Variants in DNAH3 observed in about 807,000 individuals in gnomAD.
DNAH3 encodes the protein dynein axonemal heavy chain 3, also known as axonemal beta dynein heavy chain 3.
Under a neutral mutation model 432.5 loss-of-function variants are expected in DNAH3, and 332 were observed. The observed-to-expected ratio is 0.77, with a 90% CI of 0.70 to 0.84. The LOEUF is 0.84. Ranked by LOEUF, DNAH3 falls within the 40% of genes least tolerant of loss-of-function variation. The pLI is 0.00. For synonymous variants in DNAH3, 1,956 were observed against 1,900.2 expected, an observed-to-expected ratio of 1.03 and a Z score of -0.76; for missense variants, 4,861 against 5,114.0, an observed-to-expected ratio of 0.95 and a Z score of 1.51.
intron 41 of DNAH3, among the ~76,000 whole-genome samples, chr16:21,014,694 A>G (rs540901022): frequency 8.9e-4 from 136 of 152,290 alleles, no homozygotes; most frequent in African/African-American, 3.1e-3. Flanking sequence ...AATCCCAAAG[A>G]ATCCACAAAA....
At chr16:21,011,503 T>A (rs1365456447) in intron 41 of DNAH3, among the ~76,000 whole-genome samples, 1 of 151,990 alleles carries the variant, frequency 6.6e-6, no homozygotes, top group Non-Finnish European at 1.5e-5. Context: ...AATAGAGGTG[T>A]GTGCCATCAT....
chr16:21,054,879 T>G (rs1463997368), intron 27 of DNAH3, among the ~76,000 whole-genome samples: 4 of 152,168 alleles, frequency 2.6e-5, no homozygotes, highest in Non-Finnish European at 5.9e-5. Context: ...ACATTTTTTT[T>G]GGGTGGTGTG....
intron 41 of DNAH3, among the ~76,000 whole-genome samples, chr16:21,016,914 T>G (rs1213929530): frequency 6.6e-6 from 1 of 152,030 alleles, no homozygotes; most frequent in Non-Finnish European, 1.5e-5. Flanking sequence ...AGAAGACAAA[T>G]ACTGTATGAT....
chr16:20,944,808 G>A, intron 57 of DNAH3, 145 bp from the exon 58 acceptor site: 1 of 746,968 alleles, frequency 1.3e-6, no homozygotes, highest in African/African-American at 1.8e-5. Flanking sequence ...CACACGCTGG[G>A]AGAACACAAC....
In DNAH3 at chr16:20,938,081, C is replaced by A. The variant is rs2083661551; in HGVS notation, c.11655-1228G>T. ...AGGAAGAGGATTTCTGGATGTGTAACCACTAAACCATTGTATCAAGAGGAA... is the reference window on the plus strand; with the variant it reads ...AGGAAGAGGATTTCTGGATGTGTAAACACTAAACCATTGTATCAAGAGGAA... On this transcript the variant is annotated intron_variant, in intron 59 of 61. Transcript: ENST00000261383. Among the ~76,000 whole-genome samples, 3 of 152,146 alleles carry A rather than the reference C, an allele frequency of 2.0e-5. No homozygotes were observed. In the South Asian group the frequency reaches 6.2e-4, roughly 32 times the overall value.
chr16:20,964,525 T>C (rs2084964669), exon 53 of DNAH3: 1 of 1,614,196 alleles, frequency 6.2e-7, no homozygotes, highest in Non-Finnish European at 8.5e-7. Flanking sequence ...GGTGCCTAAC[T>C]GCAGCGCGTT....
intron 57 of DNAH3, among the ~76,000 whole-genome samples, chr16:20,946,819 C>CTTTTTTT (rs71149199): frequency 1.6e-4 from 11 of 70,898 alleles, no homozygotes; most frequent in East Asian, 4.7e-4. Flanking sequence ...ATTGTGAGTC[C>CTTTTTTT]TTTTTTTTTT....
At position 21,000,288 on chromosome 16, in the gene DNAH3, C is replaced by T. The variant is rs1001185190; in HGVS notation, c.6357G>A (p.Lys2119=). Residue 2119 remains lysine (K), a synonymous_variant, in exon 43 of 62, where the codon AAG becomes AAA. Transcript: ENST00000261383. ...AAAGGCCCTTCCGTCGTCGATCCAG[C>T]TTGGACATGATGATATCCTGGGTCT... 5.0e-6 allele frequency: 8 copies of T among 1,614,006 alleles called. No individual in the cohort carries two copies. In the African/African-American group the frequency reaches 1.1e-4, roughly 22 times the overall value.
chr16:21,092,928 G>T (rs2091580139), intron 18 of DNAH3, among the ~76,000 whole-genome samples: 1 of 152,094 alleles, frequency 6.6e-6, no homozygotes, highest in Non-Finnish European at 1.5e-5. Context: ...ACAATGAGTG[G>T]CTGGGTATGG....
intron 8 of DNAH3, among the ~76,000 whole-genome samples, chr16:21,127,279 G>A (rs1164042224): frequency 2.6e-5 from 4 of 151,924 alleles, no homozygotes; most frequent in Non-Finnish European, 4.4e-5. Context: ...GAGGCCAGGC[G>A]CGGTGGCTCA....
intron 1 of DNAH3, among the ~76,000 whole-genome samples, chr16:21,151,952 G>A (rs1215827231): frequency 6.6e-6 from 1 of 151,918 alleles, no homozygotes; most frequent in African/African-American, 2.4e-5. Flanking sequence ...TGAGAGATAT[G>A]GGCCAGGTAT....
At chr16:21,144,351 G>C (rs865824537) in intron 3 of DNAH3, among the ~76,000 whole-genome samples, 1 of 151,948 alleles carries the variant, frequency 6.6e-6, no homozygotes, top group Non-Finnish European at 1.5e-5. Flanking sequence ...CCCCTCCCTC[G>C]CTCTAAGGGA....
At chr16:21,091,960 C>T (rs1331136538) in intron 18 of DNAH3, among the ~76,000 whole-genome samples, 1 of 151,958 alleles carries the variant, frequency 6.6e-6, no homozygotes, top group Admixed American at 6.6e-5. Context: ...TGAAAGAAAT[C>T]AAAGAAGATA....
chr16:20,953,638 C>T (rs1358727999), intron 55 of DNAH3, among the ~76,000 whole-genome samples: 3 of 151,670 alleles, frequency 2.0e-5, no homozygotes, highest in Non-Finnish European at 2.9e-5. Flanking sequence ...GTGGTATGAT[C>T]TCCCTTCACT....
intron 7 of DNAH3, 22 bp downstream of exon 8, chr16:21,134,237 A>C (rs759932744): frequency 1.3e-6 from 2 of 1,599,784 alleles, no homozygotes. Context: ...GGGAATGAAA[A>C]AAAAAGGGAG....
At chr16:21,106,579 G>T in exon 15 of DNAH3, 1 of 1,612,244 alleles carries the variant, frequency 6.2e-7, no homozygotes, top group Non-Finnish European at 8.5e-7. Flanking sequence ...GACAGCACTG[G>T]ATTTCTTTAG....
In DNAH3 at chr16:21,146,768, T is replaced by TC. The variant is rs549515813; in HGVS notation, c.118-681_118-680insG. On this transcript the variant is annotated intron_variant, in intron 1 of 61. Transcript: ENST00000261383. Reference sequence around the variant, plus strand: ...CTCCTGTTTCTTTTTTCTTTCTTTCTTTTTTTTTTTGAGATGGAGTCTTGC... The same window carrying TC: ...CTCCTGTTTCTTTTTTCTTTCTTTCTCTTTTTTTTTTGAGATGGAGTCTTGC... Among the ~76,000 whole-genome samples the TC allele has an allele frequency of 9.1e-5, 4 of 43,886 alleles. No individual in the cohort carries two copies. In the South Asian group the frequency reaches 3.7e-3, roughly 40 times the overall value. 28.8% of individuals were successfully genotyped at this position (43,886 alleles called of 152,430 possible).
intron 42 of DNAH3, among the ~76,000 whole-genome samples, chr16:21,001,598 A>T (rs2087022077): frequency 6.6e-6 from 1 of 152,168 alleles, no homozygotes; most frequent in Non-Finnish European, 1.5e-5. Context: ...GAGACAAGGG[A>T]ATTAAAGTTG....
chr16:20,977,124 C>T (rs1053057420), intron 50 of DNAH3, among the ~76,000 whole-genome samples: 3 of 152,150 alleles, frequency 2.0e-5, no homozygotes, highest in East Asian at 3.9e-4. Flanking sequence ...CCTGTAATCC[C>T]AGCACTTTGG....
Sources: allele counts gnomAD v4.1 joint callset (sites outside exome capture counted in the v4.1 genomes callset), GRCh38; gene constraint gnomAD v4.1.1; transcripts MANE v1.5; gene names NCBI Gene and HGNC (gene_info 2026-07-23, HGNC 2026-07-21).